CCDC171: variants seen among roughly 807,000 people sequenced by gnomAD.
The protein encoded by CCDC171 is coiled-coil domain containing 171.
Under a neutral mutation model 168.2 loss-of-function variants are expected in CCDC171, and 177 were observed. The ratio of observed to expected loss-of-function variants is 1.05; its 90% CI spans 0.93 to 1.19. The LOEUF (loss-of-function observed/expected upper bound fraction) is 1.19. CCDC171 is among the 50% of genes most tolerant of loss of function. CCDC171 has a pLI of 0.00. For missense variants in CCDC171, 1,991 were observed against 1,539.0 expected (o/e 1.29, Z -4.91); for synonymous variants, 687 against 540.8 (o/e 1.27, Z -3.75).
chr9:15,561,006 G>A (rs2039256387), intron 1 of CCDC171, among the ~76,000 whole-genome samples: 1 of 152,120 alleles, frequency 6.6e-6, no homozygotes, highest in Non-Finnish European at 1.5e-5. Context: ...GACCCTGTTT[G>A]CCTGGATATC....
intron 21 of CCDC171, among the ~76,000 whole-genome samples, chr9:15,823,904 T>A (rs1287612973): frequency 6.6e-6 from 1 of 152,134 alleles, no homozygotes; most frequent in African/African-American, 2.4e-5. Context: ...AAAATCATTT[T>A]TAGGTAAGTT....
intron 2 of CCDC171, among the ~76,000 whole-genome samples, chr9:15,564,850 A>G (rs2039597345): frequency 1.3e-5 from 2 of 152,226 alleles, no homozygotes; most frequent in African/African-American, 4.8e-5. Context: ...AGAGTAAAAC[A>G]TTTGGGGTTG....
At chr9:16,058,653 T>C (rs1260964169) in intron 1 of CCDC171, among the ~76,000 whole-genome samples, 3 of 152,236 alleles carry the variant, frequency 2.0e-5, no homozygotes, top group Non-Finnish European at 2.9e-5. Context: ...CCAGCAAAGA[T>C]ACCAATTCCC....
At chr9:15,715,606 C>T (rs6474956) in intron 11 of CCDC171, among the ~76,000 whole-genome samples, 144,221 of 152,292 alleles carry the variant, frequency 0.95, 68,333 homozygotes, top group East Asian at 1. Context: ...CTACTCATAT[C>T]CTATATTGAT....
chr9:15,927,079 T>A (rs1305015341), intron 25 of CCDC171, among the ~76,000 whole-genome samples: 1 of 151,736 alleles, frequency 6.6e-6, no homozygotes, highest in East Asian at 1.9e-4. Context: ...GTAATGCATA[T>A]AAAGAGATTG....
At chr9:15,566,329 G>C (rs920258400) in intron 2 of CCDC171, among the ~76,000 whole-genome samples, 3 of 152,194 alleles carry the variant, frequency 2.0e-5, no homozygotes, top group African/African-American at 7.2e-5. Flanking sequence ...AGGCTGAGGT[G>C]GGTGGATTGC....
intron 24 of CCDC171, among the ~76,000 whole-genome samples, chr9:15,876,413 G>A (rs1242197921): frequency 6.6e-6 from 1 of 151,982 alleles, no homozygotes; most frequent in Non-Finnish European, 1.5e-5. Context: ...CTCACAATGA[G>A]CCTGTCAAAT....
intron 21 of CCDC171, among the ~76,000 whole-genome samples, chr9:15,809,666 C>T (rs1479070894): frequency 2.0e-5 from 3 of 152,170 alleles, no homozygotes; most frequent in South Asian, 2.1e-4. Context: ...GCTTCATGGT[C>T]TCACTGGCCT....
At chr9:15,742,144 T>C (rs1167613850) in intron 16 of CCDC171, among the ~76,000 whole-genome samples, 1 of 152,180 alleles carries the variant, frequency 6.6e-6, no homozygotes, top group Non-Finnish European at 1.5e-5. Flanking sequence ...CTTTGTGATG[T>C]CCATTTGTTC....
intron 6 of CCDC171, among the ~76,000 whole-genome samples, chr9:16,024,816 G>A (rs561059889): frequency 3.9e-5 from 6 of 152,208 alleles, no homozygotes; most frequent in East Asian, 1.9e-4. Context: ...CTACATATAC[G>A]GCACCCGAAA....
intron 22 of CCDC171, 101 bp from the exon 23 acceptor site, chr9:15,848,792 A>T (rs2061005935): frequency 1.7e-6 from 1 of 600,426 alleles, no homozygotes; most frequent in South Asian, 2.3e-5. Context: ...GAACAGTGAT[A>T]TCAGACCCTT....
chr9:15,732,706 A>T (rs1039270801), intron 16 of CCDC171, among the ~76,000 whole-genome samples: 1 of 151,980 alleles, frequency 6.6e-6, no homozygotes, highest in East Asian at 1.9e-4. Context: ...GGGCCTTTGG[A>T]TTGCTTTTAG....
At chr9:15,784,400 A>T (rs2057828751) in intron 20 of CCDC171, 109 bp from the exon 21 acceptor site, 3 of 571,010 alleles carry the variant, frequency 5.3e-6, no homozygotes, top group Admixed American at 3.7e-5. Context: ...TTTTTAATGT[A>T]TCAAGTGCCT....
At chr9:16,099,767 A>G in the CCDC171 span, among the ~76,000 whole-genome samples, 1 of 152,208 alleles carries the variant, frequency 6.6e-6, no homozygotes, top group Non-Finnish European at 1.5e-5. Context: ...GTCATTTAAC[A>G]AGGACAATGA....
In CCDC171 at chr9:15,578,967, G is replaced by T; in HGVS notation, c.296G>T (p.Arg99Ile). The change falls in exon 4 of 26, where the codon AGA (arginine) becomes ATA (isoleucine). Residue 99 changes from arginine (R) to isoleucine (I), a missense_variant. Physicochemically the swap from Arg to Ile is moderately conservative, Grantham distance 97 (BLOSUM62 -3). Coordinates refer to ENST00000380701, the MANE Select transcript of CCDC171 (RefSeq NM_173550.4). ...GCTAGAAAGGAAGCTGGTCTTGGAA[G>T]ACGGGCTGCTGAAGAAAGATTAGCC... The part of the protein sequence containing the change: ...AVARKEAGLG[R>I]RAAEERLAEA... 2 of 1,614,090 alleles carry T rather than the reference G, an allele frequency of 1.2e-6. No individual in the cohort carries two copies. Among genetic ancestry groups the T allele is most frequent in the Non-Finnish European group, 1.7e-6 (2 of 1,179,990 alleles).
At chr9:16,054,981 C>G (rs1833813726) in intron 1 of CCDC171, among the ~76,000 whole-genome samples, 1 of 152,136 alleles carries the variant, frequency 6.6e-6, no homozygotes, top group Admixed American at 6.5e-5. Flanking sequence ...AGGGTGGATG[C>G]AGAGAGGCCA....
At chr9:16,055,757 C>G (rs1406702934) in intron 1 of CCDC171, among the ~76,000 whole-genome samples, 7 of 152,206 alleles carry the variant, frequency 4.6e-5, no homozygotes, top group Non-Finnish European at 1.0e-4. Flanking sequence ...AGTTCAGGGG[C>G]TCAGGAAGGG....
At chr9:15,598,841 G>C (rs1463743321) in intron 6 of CCDC171, among the ~76,000 whole-genome samples, 1 of 152,054 alleles carries the variant, frequency 6.6e-6, no homozygotes, top group African/African-American at 2.4e-5. Flanking sequence ...TCCTGTATTG[G>C]GTGCATATAT....
intron 1 of CCDC171, among the ~76,000 whole-genome samples, chr9:16,053,628 T>C (rs556154342): frequency 1.3e-5 from 2 of 152,242 alleles, no homozygotes; most frequent in South Asian, 4.1e-4. Context: ...ACCTGCCTCC[T>C]GAGCACGGCC....
Sources: allele counts gnomAD v4.1 joint callset (sites outside exome capture counted in the v4.1 genomes callset), GRCh38; gene constraint gnomAD v4.1.1; transcripts MANE v1.5; gene names NCBI Gene and HGNC (gene_info 2026-07-23, HGNC 2026-07-21).